The following LRRC4C variants were observed in gnomAD, a reference collection of about 807,000 sequenced individuals.
The protein encoded by LRRC4C is leucine-rich repeat-containing protein 4C.
In LRRC4C, 5 loss-of-function variants were observed where a neutral mutation model predicts 33.6. The observed-to-expected ratio is 0.15, with a 90% CI of 0.08 to 0.31. The LOEUF (loss-of-function observed/expected upper bound fraction) is 0.31. Among genes scored for constraint, LRRC4C ranks in the 10% least tolerant of loss-of-function variants. The probability of loss-of-function intolerance (pLI) is 1.00; values close to 1 mark genes in which losing one functional copy is unlikely to be tolerated. For missense variants in LRRC4C, 560 were observed against 796.7 expected, an observed-to-expected ratio of 0.70 and a Z score of 3.58; for synonymous variants, 329 against 302.0, an observed-to-expected ratio of 1.09 and a Z score of -0.93.
At chr11:40,350,358 C>A (rs1254300328) in intron 3 of LRRC4C, among the ~76,000 whole-genome samples, 1 of 152,044 alleles carries the variant, frequency 6.6e-6, no homozygotes, top group Admixed American at 6.6e-5. Context: ...TGTCCTTTCC[C>A]TAGTGTATGT....
intron 2 of LRRC4C, among the ~76,000 whole-genome samples, chr11:40,823,935 T>G (rs1952048658): frequency 6.6e-6 from 1 of 151,892 alleles, no homozygotes; most frequent in Non-Finnish European, 1.5e-5. Context: ...ATGATATAAC[T>G]ATAAAAATAA....
At chr11:41,407,301 C>CTTTTTTTT (rs552180859) in intron 1 of LRRC4C, among the ~76,000 whole-genome samples, 2 of 133,316 alleles carry the variant, frequency 1.5e-5, no homozygotes. Flanking sequence ...TGAATTTTTC[C>CTTTTTTTT]TTTTTTTTTT....
intron 3 of LRRC4C, among the ~76,000 whole-genome samples, chr11:40,523,888 A>G (rs1955929739): frequency 6.6e-6 from 1 of 152,196 alleles, no homozygotes; most frequent in Admixed American, 6.5e-5. Context: ...CTCAGACTTT[A>G]GGAATCAAAA....
intron 1 of LRRC4C, among the ~76,000 whole-genome samples, chr11:41,235,123 C>T (rs988053372): frequency 2.0e-5 from 3 of 151,940 alleles, no homozygotes; most frequent in Admixed American, 6.6e-5. Context: ...CTCACTACTC[C>T]TTTTTTACTA....
chr11:40,527,159 A>G (rs72883407), intron 3 of LRRC4C, among the ~76,000 whole-genome samples: 13,361 of 152,176 alleles, frequency 0.088, 1,666 homozygotes, highest in African/African-American at 0.28. Context: ...GGACATTTCT[A>G]AGTATATGAA....
At position 40,116,315 on chromosome 11, in the gene LRRC4C, C is replaced by T. The variant is rs775627691; in HGVS notation, c.-23G>A. On this transcript the variant is annotated 5_prime_UTR_variant, in exon 7 of 7. Coordinates refer to ENST00000528697, the MANE Select transcript of LRRC4C (RefSeq NM_001258419.2). ...CATTCATAATTTATCTGGTGTTGGT[C>T]CTTCTGGAATTCAAACAGTCTGCAA... The T allele has an allele frequency of 6.4e-7, 1 of 1,553,042 alleles. No individual in the cohort carries two copies. The highest frequency in any genetic ancestry group is 8.7e-7 in the Non-Finnish European group (1 of 1,148,540).
intron 5 of LRRC4C, among the ~76,000 whole-genome samples, chr11:40,236,635 C>A (rs982430083): frequency 6.6e-6 from 1 of 152,054 alleles, no homozygotes; most frequent in East Asian, 1.9e-4. Context: ...CCTGAGGCAC[C>A]CCCCTCCCCC....
At chr11:41,254,535 T>C (rs1019335912) in intron 1 of LRRC4C, among the ~76,000 whole-genome samples, 4 of 152,040 alleles carry the variant, frequency 2.6e-5, no homozygotes, top group Non-Finnish European at 5.9e-5. Flanking sequence ...ATTGCTCAAA[T>C]GACAGAAGTC....
At chr11:41,092,402 T>C (rs2078829267) in intron 1 of LRRC4C, among the ~76,000 whole-genome samples, 1 of 152,204 alleles carries the variant, frequency 6.6e-6, no homozygotes, top group Admixed American at 6.5e-5. Context: ...TAATCACTGT[T>C]ACCCCTGACA....
intron 1 of LRRC4C, among the ~76,000 whole-genome samples, chr11:41,178,355 T>A (rs1945294049): frequency 6.6e-6 from 1 of 152,130 alleles, no homozygotes; most frequent in Admixed American, 6.5e-5. Context: ...ACACTTTCTA[T>A]GTTGTTGTTG....
chr11:40,902,935 G>A (rs1288267529), intron 2 of LRRC4C, among the ~76,000 whole-genome samples: 1 of 152,144 alleles, frequency 6.6e-6, no homozygotes, highest in Non-Finnish European at 1.5e-5. Flanking sequence ...AGAAACTGCA[G>A]CAAGTTACCC....
intron 1 of LRRC4C, among the ~76,000 whole-genome samples, chr11:40,964,824 T>C (rs1851227552): frequency 6.6e-6 from 1 of 151,908 alleles, no homozygotes; most frequent in African/African-American, 2.4e-5. Flanking sequence ...AGTGCCACAA[T>C]AAACATGCGT....
chr11:40,529,980 A>G (rs1177190225), intron 3 of LRRC4C, among the ~76,000 whole-genome samples: 1 of 152,148 alleles, frequency 6.6e-6, no homozygotes, highest in Non-Finnish European at 1.5e-5. Context: ...TTTAAAAAAT[A>G]AGGCTCATTA....
At chr11:40,361,332 C>G (rs12418938) in intron 3 of LRRC4C, among the ~76,000 whole-genome samples, 5,152 of 152,144 alleles carry the variant, frequency 0.034, 124 homozygotes, top group Admixed American at 0.053. Flanking sequence ...AGCCCAAAAG[C>G]TTTGTAAGCT....
In LRRC4C at chr11:41,168,739, A is replaced by G. The variant is rs79439398; in HGVS notation, c.-495-235016T>C. Among the ~76,000 whole-genome samples, 864 of 151,932 alleles carry G rather than the reference A, an allele frequency of 5.7e-3. 7 individuals carry two copies. The highest frequency in any genetic ancestry group is 0.019 in the African/African-American group (786 of 41,202). ...TACTAAGATTCATTTTCAATTGAGT[A>G]CTTTTCACAGGGGTAGCTCATAGTA... On this transcript the variant is annotated intron_variant, in intron 1 of 6. Coordinates refer to ENST00000528697, the MANE Select transcript of LRRC4C (RefSeq NM_001258419.2).
chr11:40,226,931 T>C (rs1337238081), intron 5 of LRRC4C, among the ~76,000 whole-genome samples: 1 of 152,218 alleles, frequency 6.6e-6, no homozygotes, highest in Non-Finnish European at 1.5e-5. Flanking sequence ...CAAAGAGTCT[T>C]TTATCTCAGG....
At chr11:40,496,134 G>C (rs1308780745) in intron 3 of LRRC4C, among the ~76,000 whole-genome samples, 2 of 151,976 alleles carry the variant, frequency 1.3e-5, no homozygotes, top group African/African-American at 4.8e-5. Context: ...CTGGCCAAAA[G>C]TGTCTTAAAT....
chr11:40,403,297 A>T (rs975193762), intron 3 of LRRC4C, among the ~76,000 whole-genome samples: 3 of 152,152 alleles, frequency 2.0e-5, no homozygotes, highest in African/African-American at 7.2e-5. Flanking sequence ...CAGGATTAAA[A>T]CACCAATTTT....
At chr11:41,169,080 A>G (rs1944856856) in intron 1 of LRRC4C, among the ~76,000 whole-genome samples, 1 of 152,210 alleles carries the variant, frequency 6.6e-6, no homozygotes, top group African/African-American at 2.4e-5. Context: ...TTTAAGAGCT[A>G]CTATTCAAAA....
Sources: gnomAD v4.1 joint callset for allele counts (sites outside exome capture counted in the v4.1 genomes callset) on GRCh38, gnomAD v4.1.1 for gene constraint, MANE v1.5 for transcripts, NCBI Gene and HGNC (gene_info 2026-07-23, HGNC 2026-07-21) for gene names.